The following SRBD1 variants were observed in gnomAD, a reference collection of about 807,000 sequenced individuals.
SRBD1 encodes the protein S1 RNA-binding domain-containing protein 1.
Under a neutral mutation model 115.3 loss-of-function variants are expected in SRBD1, and 88 were observed. The ratio of observed to expected loss-of-function variants is 0.76; its 90% CI spans 0.64 to 0.91. The LOEUF is 0.91. Ranked by LOEUF, SRBD1 falls within the 40% of genes least tolerant of loss-of-function variation. The probability of loss-of-function intolerance (pLI) is 0.00; values close to 1 mark genes in which losing one functional copy is unlikely to be tolerated. For synonymous variants in SRBD1, 509 were observed against 407.7 expected (o/e 1.25, Z -2.99); for missense variants, 1,385 against 1,177.4 (o/e 1.18, Z -2.58).
At position 45,581,752 on chromosome 2, in the gene SRBD1, A is replaced by G. The variant is rs1673371778; in HGVS notation, c.874T>C (p.Ser292Pro). 6.2e-7 allele frequency: 1 copy of G among 1,613,602 alleles called. No individual in the cohort carries two copies. The highest frequency in any genetic ancestry group is 8.5e-7 in the Non-Finnish European group (1 of 1,179,790). Residue 292 changes from serine to proline, a missense_variant, in exon 6 of 21, where the codon TCT becomes CCT. Transcript: ENST00000263736. Reference protein sequence around the residue: ...IQKIKKEGKMSECLLKAMLNC... With the variant: ...IQKIKKEGKMPECLLKAMLNC... ...AGCATGGCTTTTAACAAGCACTCAG[A>G]CATCTTCCCTTCCTTCTTAATTTTC...
chr2:45,486,508 A>G (rs901077770), intron 15 of SRBD1, among the ~76,000 whole-genome samples: 3 of 152,076 alleles, frequency 2.0e-5, no homozygotes, highest in African/African-American at 7.2e-5. Context: ...TGGGTGGATC[A>G]TGAGGTCAGG....
intron 14 of SRBD1, among the ~76,000 whole-genome samples, chr2:45,511,763 G>T (rs759775542): frequency 6.6e-6 from 1 of 152,148 alleles, no homozygotes; most frequent in African/African-American, 2.4e-5. Flanking sequence ...CAGTGCTGAC[G>T]CTTTTTAAAG....
At chr2:45,464,842 A>C (rs774105697) in intron 16 of SRBD1, among the ~76,000 whole-genome samples, 3 of 152,298 alleles carry the variant, frequency 2.0e-5, no homozygotes, top group Non-Finnish European at 4.4e-5. Flanking sequence ...TATAAAAAGT[A>C]AGTTGTATGC....
At chr2:45,437,967 C>A (rs1215262808) in intron 16 of SRBD1, among the ~76,000 whole-genome samples, 1 of 152,108 alleles carries the variant, frequency 6.6e-6, no homozygotes, top group Non-Finnish European at 1.5e-5. Context: ...AGGTTATTAT[C>A]TGTTTGTCTA....
intron 1 of SRBD1, among the ~76,000 whole-genome samples, chr2:45,605,897 C>T (rs1416998906): frequency 1.5e-5 from 2 of 137,924 alleles, no homozygotes; most frequent in African/African-American, 2.7e-5. Flanking sequence ...GAGTGAGACT[C>T]GGTCTCAAAA....
intron 14 of SRBD1, among the ~76,000 whole-genome samples, chr2:45,526,773 T>C (rs561107940): frequency 5.3e-5 from 8 of 151,936 alleles, no homozygotes; most frequent in African/African-American, 1.7e-4. Context: ...TATATCAAAA[T>C]GAATGAATAT....
intron 5 of SRBD1, among the ~76,000 whole-genome samples, chr2:45,582,060 A>G (rs1673382060): frequency 6.6e-6 from 1 of 152,180 alleles, no homozygotes; most frequent in South Asian, 2.1e-4. Flanking sequence ...ACTACCATCT[A>G]ATGCAGAGCT....
chr2:45,551,879 T>C (rs980950287), intron 11 of SRBD1, among the ~76,000 whole-genome samples: 2 of 152,090 alleles, frequency 1.3e-5, no homozygotes, highest in Non-Finnish European at 2.9e-5. Flanking sequence ...GATGAGAATT[T>C]TGAAAGGGCG....
At chr2:45,530,819 T>C (rs1221304661) in intron 14 of SRBD1, among the ~76,000 whole-genome samples, 2 of 152,002 alleles carry the variant, frequency 1.3e-5, no homozygotes, top group Non-Finnish European at 2.9e-5. Context: ...ACTTTGCCTA[T>C]GTCAACAAAG....
rs533035154 is a variant in SRBD1 at position 45,545,527 on chromosome 2, T to G, written c.1874+1205A>C. Among the ~76,000 whole-genome samples the G allele has an allele frequency of 2.6e-5, 4 of 152,172 alleles. No homozygotes were observed. In the East Asian group the frequency reaches 7.7e-4, roughly 29 times the overall value. Reference sequence around the variant, plus strand: ...TTTACATGAAATTAATGTGAACAAGTTAAAAAAAAATCAGAGAAGGTACCT... The same window carrying G: ...TTTACATGAAATTAATGTGAACAAGGTAAAAAAAAATCAGAGAAGGTACCT... On this transcript the variant is annotated intron_variant, in intron 14 of 20. Transcript: ENST00000263736.
chr2:45,467,381 G>T (rs1669522115), intron 16 of SRBD1, among the ~76,000 whole-genome samples: 2 of 152,184 alleles, frequency 1.3e-5, no homozygotes, highest in Admixed American at 6.5e-5. Context: ...AGTGAGGGAA[G>T]CAGGTAGTGG....
At chr2:45,503,159 G>C (rs987144093) in intron 14 of SRBD1, among the ~76,000 whole-genome samples, 9 of 152,078 alleles carry the variant, frequency 5.9e-5, no homozygotes, top group Non-Finnish European at 1.2e-4. Flanking sequence ...TTTCTGTTTT[G>C]TTTTAGCAAA....
At chr2:45,477,574 G>A (rs1361220150) in intron 15 of SRBD1, among the ~76,000 whole-genome samples, 1 of 152,054 alleles carries the variant, frequency 6.6e-6, no homozygotes, top group Non-Finnish European at 1.5e-5. Context: ...TTTAGAGATA[G>A]GGTCTCACTC....
rs1199310683 is a variant in SRBD1, at chr2:45,602,003, G to A, written c.161C>T (p.Pro54Leu). The A allele has an allele frequency of 6.2e-7, 1 of 1,614,170 alleles. No individual in the cohort carries two copies. The highest frequency in any genetic ancestry group is 8.5e-7 in the Non-Finnish European group (1 of 1,180,016). ...CTTTGGTTTGGATTCCTTGGGAGGG[G>A]GCTGTTTACGGCTTCTGGGAACTTT... ...QKKVPRSRKQ[P>L]PPKESKPKRM... Residue 54 changes from proline to leucine, a missense_variant, in exon 3 of 21, where the codon CCC (proline) becomes CTC (leucine). Transcript: ENST00000263736.
chr2:45,413,185 C>T lies in SRBD1; in HGVS notation c.2442G>A (p.Val814=). 1 of 1,614,082 alleles carries T rather than the reference C, an allele frequency of 6.2e-7. No individual in the cohort carries two copies. Among genetic ancestry groups the T allele is most frequent in the Non-Finnish European group, 8.5e-7 (1 of 1,179,984 alleles). ...AAGGATTTGGCTTCAGTAAAACATT[C>T]ACTGCAGTTTTGCTCTTCTTTTTGC... The part of the protein sequence containing the change: ...KQGKKKSKTA[V]NVLLKPNPLD... The change falls in exon 19 of 21, where the codon GTG becomes GTA. Residue 814 remains valine, a synonymous_variant. Coordinates refer to ENST00000263736, the MANE Select transcript of SRBD1 (RefSeq NM_018079.5).
chr2:45,523,998 CA>C (rs1253879353), intron 14 of SRBD1, among the ~76,000 whole-genome samples: 1 of 152,024 alleles, frequency 6.6e-6, no homozygotes, highest in Non-Finnish European at 1.5e-5. Context: ...ACTGATTCAA[CA>C]ACCAAAAATC....
intron 19 of SRBD1, among the ~76,000 whole-genome samples, chr2:45,408,578 A>T (rs140555344): frequency 6.6e-6 from 1 of 152,374 alleles, no homozygotes; most frequent in East Asian, 1.9e-4. Flanking sequence ...GCTGGCAAAA[A>T]AAAGTCCTGT....
rs1558563308 is a variant in SRBD1, at chr2:45,414,721, C to CACACACAGTGTGTATATAGTATGT, written c.2334-1429_2334-1428insACATACTATATACACACTGTGTGT. ...ATAGTGTGTATATAGTATGTATATA[C>CACACACAGTGTGTATATAGTATGT]ACACACACAGTGTGTATATAGTATG... On this transcript the variant is annotated intron_variant, in intron 18 of 20. Coordinates refer to ENST00000263736, the MANE Select transcript of SRBD1 (RefSeq NM_018079.5). Among the ~76,000 whole-genome samples, 131 of 125,192 alleles carry CACACACAGTGTGTATATAGTATGT rather than the reference C, an allele frequency of 1.0e-3. 6 individuals are homozygous for CACACACAGTGTGTATATAGTATGT. The highest frequency in any genetic ancestry group is 1.8e-3 in the Non-Finnish European group (94 of 53,560). The allele number at this position is 125,192 out of a possible 152,430, so 82.1% of individuals were successfully genotyped here.
intron 19 of SRBD1, among the ~76,000 whole-genome samples, chr2:45,402,966 C>T (rs934392338): frequency 1.3e-5 from 2 of 152,136 alleles, no homozygotes; most frequent in Non-Finnish European, 2.9e-5. Context: ...GTTTCTGGGT[C>T]TCATTCTACT....
Sources: gnomAD v4.1 joint callset for allele counts (sites outside exome capture counted in the v4.1 genomes callset) on GRCh38, gnomAD v4.1.1 for gene constraint, MANE v1.5 for transcripts, NCBI Gene and HGNC (gene_info 2026-07-23, HGNC 2026-07-21) for gene names.